CLMP: variants seen among roughly 807,000 people sequenced by gnomAD.
The protein encoded by CLMP is CXADR-like membrane protein.
Under a neutral mutation model 45.2 loss-of-function variants are expected in CLMP, and 27 were observed. The observed-to-expected ratio is 0.60, with a 90% CI of 0.44 to 0.82. CLMP has a LOEUF of 0.82. CLMP is among the 40% of genes least tolerant of loss of function. The pLI, the probability that CLMP is intolerant of heterozygous loss-of-function variation, is 0.00. For synonymous variants in CLMP, 167 were observed against 171.4 expected (o/e 0.97, Z 0.20); for missense variants, 403 against 448.4 (o/e 0.90, Z 0.91).
At chr11:123,110,760 G>A (rs990922434) in intron 1 of CLMP, among the ~76,000 whole-genome samples, 3 of 152,176 alleles carry the variant, frequency 2.0e-5, no homozygotes, top group Non-Finnish European at 4.4e-5. Flanking sequence ...GGGAAAAGGA[G>A]TGAGGGAAAA....
intron 1 of CLMP, among the ~76,000 whole-genome samples, chr11:123,180,917 C>T (rs1861760078): frequency 6.6e-6 from 1 of 152,162 alleles, no homozygotes; most frequent in African/African-American, 2.4e-5. Context: ...GAGAGAAGGT[C>T]TCTATTCTTA....
intron 2 of CLMP, among the ~76,000 whole-genome samples, chr11:123,095,326 T>C (rs566465113): frequency 1.1e-3 from 173 of 152,028 alleles, no homozygotes; most frequent in African/African-American, 3.7e-3. Flanking sequence ...ACAGTCTTGC[T>C]CTGTTGCCCA....
At position 123,082,231 on chromosome 11, in the gene CLMP, A is replaced by G. The variant is rs575824777; in HGVS notation, c.679+854T>C. Among the ~76,000 whole-genome samples, 10 of 152,312 alleles carry G rather than the reference A, an allele frequency of 6.6e-5. No homozygotes were observed. The South Asian group carries it at 1.9e-3, about 28-fold the overall frequency. On this transcript the variant is annotated intron_variant, in intron 5 of 6. Coordinates refer to ENST00000448775, the MANE Select transcript of CLMP (RefSeq NM_024769.5). ...GTTTTTGTTTTTAGGAATGGTGTTT[A>G]TTTAGTACTCCCCTGGATATAGTGA...
chr11:123,107,033 AT>A (rs141966673), intron 1 of CLMP, among the ~76,000 whole-genome samples: 172 of 146,678 alleles, frequency 1.2e-3, no homozygotes, highest in East Asian at 8.4e-3. Context: ...AAAAAAAAAA[AT>A]AATAATAATA....
At chr11:123,135,211 G>A (rs999259849) in intron 1 of CLMP, among the ~76,000 whole-genome samples, 23 of 144,564 alleles carry the variant, frequency 1.6e-4, no homozygotes, top group African/African-American at 6.1e-4. Flanking sequence ...AGTGAGCCAA[G>A]ACCATGCCAT....
chr11:123,150,476 AAAGAAAGG>A (rs1300746805), intron 1 of CLMP, among the ~76,000 whole-genome samples: 216 of 60,422 alleles, frequency 3.6e-3, no homozygotes, highest in South Asian at 0.011. Context: ...AGAAAGAAAG[AAAGAAAGG>A]AAGGAAGGAA....
At chr11:123,121,258 T>C (rs1334947745) in intron 1 of CLMP, among the ~76,000 whole-genome samples, 1 of 152,170 alleles carries the variant, frequency 6.6e-6, no homozygotes, top group African/African-American at 2.4e-5. Context: ...TCTGAAGCTG[T>C]TGAATTACTC....
chr11:123,179,253 T>C (rs1861737731), intron 1 of CLMP, among the ~76,000 whole-genome samples: 1 of 152,056 alleles, frequency 6.6e-6, no homozygotes, highest in African/African-American at 2.4e-5. Flanking sequence ...TGCCTGAGAG[T>C]GGAAAGGGCT....
At chr11:123,124,036 C>T (rs976975577) in intron 1 of CLMP, among the ~76,000 whole-genome samples, 4 of 151,842 alleles carry the variant, frequency 2.6e-5, no homozygotes, top group African/African-American at 9.7e-5. Context: ...GAGGAGAGAG[C>T]GATTCATTTG....
In CLMP at chr11:123,085,840, G is replaced by A. The variant is rs184285508; in HGVS notation, c.187-1127C>T. On this transcript the variant is annotated intron_variant, in intron 2 of 6. Transcript: ENST00000448775. ...CGCCCGGTCTGGAGTACAATGGTGC[G>A]ATCCTGGCTCACTGCAACCTCTGTC... 5.6e-4 allele frequency among the ~76,000 whole-genome samples: 83 copies of A among 148,514 alleles called. 1 individual carries two copies. The highest frequency in any genetic ancestry group is 1.1e-3 in the Admixed American group (16 of 14,650).
rs983644755 is a variant in CLMP, at chr11:123,162,671, G to A, written c.28+32242C>T. ...AGCACTTTGGGAGGTCAAGGTGGGC[G>A]GATCGCTTGAGCTCAGGAGTTTGAG... is the stretch of plus-strand genomic sequence containing the variant. On this transcript the variant is annotated intron_variant, in intron 1 of 6. Transcript: ENST00000448775. Among the ~76,000 whole-genome samples the A allele has an allele frequency of 2.6e-5, 4 of 151,904 alleles. 1 individual carries two copies. The highest frequency in any genetic ancestry group is 4.2e-4 in the South Asian group (2 of 4,794).
chr11:123,138,003 C>T (rs943821110), intron 1 of CLMP, among the ~76,000 whole-genome samples: 2 of 151,640 alleles, frequency 1.3e-5, no homozygotes, highest in African/African-American at 4.9e-5. Context: ...CCCCTCCCTC[C>T]CCCAAACCAT....
chr11:123,194,965 C>T lies in CLMP; in HGVS notation c.-25G>A. 1 of 1,610,616 alleles carries T rather than the reference C, an allele frequency of 6.2e-7. No individual in the cohort carries two copies. The highest frequency in any genetic ancestry group is 8.5e-7 in the Non-Finnish European group (1 of 1,178,426). ...TCCCGATCCCCGGACGCGGGCGCTT[C>T]CCCGCTCAGCTGCTGCTTGGCTCCG... On this transcript the variant is annotated 5_prime_UTR_variant, in exon 1 of 7. Transcript: ENST00000448775.
intron 1 of CLMP, among the ~76,000 whole-genome samples, chr11:123,102,184 T>TAA (rs796351533): frequency 7.1e-6 from 1 of 140,108 alleles, no homozygotes; most frequent in African/African-American, 2.6e-5. Context: ...ACCCTGTCTC[T>TAA]AAAAAAAAAA....
At chr11:123,118,505 A>C (rs922492730) in intron 1 of CLMP, among the ~76,000 whole-genome samples, 7 of 152,220 alleles carry the variant, frequency 4.6e-5, no homozygotes, top group African/African-American at 1.7e-4. Flanking sequence ...AACTTAGCTC[A>C]TGCTTGACAA....
chr11:123,136,429 C>T, intron 1 of CLMP: 4 of 394,114 alleles, frequency 1.0e-5, no homozygotes, highest in South Asian at 9.4e-5. Flanking sequence ...CCCCACCCCG[C>T]CCTCCTTGTC....
intron 1 of CLMP, among the ~76,000 whole-genome samples, chr11:123,178,642 G>A (rs973101528): frequency 6.6e-6 from 1 of 152,204 alleles, no homozygotes; most frequent in African/African-American, 2.4e-5. Context: ...GTGACAACTA[G>A]AAAGGAAGGT....
intron 2 of CLMP, among the ~76,000 whole-genome samples, chr11:123,094,968 A>G (rs1268447052): frequency 1.3e-5 from 2 of 152,154 alleles, no homozygotes; most frequent in African/African-American, 4.8e-5. Flanking sequence ...TCTTCTCACT[A>G]TAACCTCTAA....
chr11:123,164,101 A>G (rs968398948), intron 1 of CLMP, among the ~76,000 whole-genome samples: 1 of 152,016 alleles, frequency 6.6e-6, no homozygotes, highest in Non-Finnish European at 1.5e-5. Flanking sequence ...CAGGGGAAGT[A>G]CTAAATAATT....
Sources: allele counts gnomAD v4.1 joint callset (sites outside exome capture counted in the v4.1 genomes callset), GRCh38; gene constraint gnomAD v4.1.1; transcripts MANE v1.5; gene names NCBI Gene and HGNC (gene_info 2026-07-23, HGNC 2026-07-21).